RNF150: variants seen among roughly 807,000 people sequenced by gnomAD.
RNF150 encodes the protein ring finger protein 150.
In RNF150, 24 loss-of-function variants were observed where a neutral mutation model predicts 39.3. The ratio of observed to expected loss-of-function variants is 0.61; its 90% CI spans 0.44 to 0.86. The LOEUF (loss-of-function observed/expected upper bound fraction) is 0.86. Ranked by LOEUF, RNF150 falls within the 40% of genes least tolerant of loss-of-function variation. RNF150 has a pLI of 0.00. For synonymous variants in RNF150, 255 were observed against 227.3 expected (o/e 1.12, Z -1.10); for missense variants, 502 against 587.8 (o/e 0.85, Z 1.51).
chr4:141,117,823 C>T lies in RNF150; in HGVS notation c.484+14502G>A, dbSNP rs1157125118. On this transcript the variant is annotated intron_variant, in intron 1 of 6. Coordinates refer to ENST00000515673, the MANE Select transcript of RNF150 (RefSeq NM_020724.2). ...AATGGCAATTCTCGTCCTTCTATTA[C>T]TTATTCCATCCAACAAAGATTTGCT... Among the ~76,000 whole-genome samples the T allele has an allele frequency of 2.0e-5, 3 of 152,202 alleles. No individual in the cohort carries two copies. In the East Asian group the frequency reaches 5.8e-4, roughly 29 times the overall value.
chr4:141,189,424 C>G (rs919833324), intron 1 of RNF150, among the ~76,000 whole-genome samples: 3 of 152,182 alleles, frequency 2.0e-5, no homozygotes, highest in Non-Finnish European at 2.9e-5. Flanking sequence ...AGCTTGAGCA[C>G]TGTGCCAGGA....
At chr4:140,920,061 T>G (rs976368327) in intron 5 of RNF150, among the ~76,000 whole-genome samples, 10 of 151,702 alleles carry the variant, frequency 6.6e-5, no homozygotes, top group Admixed American at 5.9e-4. Context: ...GACTTAAACG[T>G]TAGACCTAAA....
chr4:141,114,240 TA>T (rs1739476899), intron 1 of RNF150, among the ~76,000 whole-genome samples: 1 of 151,872 alleles, frequency 6.6e-6, no homozygotes, highest in Non-Finnish European at 1.5e-5. Flanking sequence ...TTGAAAAGAT[TA>T]ACAAAGTAGA....
intron 1 of RNF150, among the ~76,000 whole-genome samples, chr4:141,023,716 G>A (rs895321381): frequency 6.6e-6 from 1 of 152,110 alleles, no homozygotes; most frequent in Admixed American, 6.6e-5. Flanking sequence ...CATTTCAAGT[G>A]CTCAACTGCT....
At chr4:141,012,781 C>CAGAAAAAAA (rs1735120555) in intron 1 of RNF150, among the ~76,000 whole-genome samples, 2 of 71,432 alleles carry the variant, frequency 2.8e-5, no homozygotes. Flanking sequence ...GACTCTGTCT[C>CAGAAAAAAA]AAAAAAAAAA....
intron 4 of RNF150, among the ~76,000 whole-genome samples, chr4:140,946,604 A>G (rs1207898170): frequency 6.6e-6 from 1 of 152,156 alleles, no homozygotes; most frequent in Non-Finnish European, 1.5e-5. Flanking sequence ...CTCCCAGCTC[A>G]TCCTCCTGAG....
At chr4:141,101,640 A>G (rs1337926594) in intron 1 of RNF150, among the ~76,000 whole-genome samples, 2 of 152,220 alleles carry the variant, frequency 1.3e-5, no homozygotes, top group African/African-American at 4.8e-5. Context: ...TGTATGTGCT[A>G]CACTTTTACA....
chr4:141,200,785 T>C (rs965131580), intron 1 of RNF150, among the ~76,000 whole-genome samples: 1 of 152,134 alleles, frequency 6.6e-6, no homozygotes, highest in Non-Finnish European at 1.5e-5. Context: ...AATCTACAAA[T>C]GGTGAGAAAG....
At chr4:140,930,292 GC>G (rs1216459321) in intron 4 of RNF150, among the ~76,000 whole-genome samples, 4 of 152,220 alleles carry the variant, frequency 2.6e-5, no homozygotes, top group African/African-American at 9.6e-5. Context: ...CTTCAGGCTT[GC>G]CAGATCTTAC....
intron 1 of RNF150, among the ~76,000 whole-genome samples, chr4:141,200,636 G>A (rs1728275968): frequency 6.6e-6 from 1 of 152,070 alleles, no homozygotes; most frequent in Non-Finnish European, 1.5e-5. Context: ...TGGGAATTAG[G>A]GCTTCATTTT....
intron 1 of RNF150, among the ~76,000 whole-genome samples, chr4:141,099,730 G>A (rs547815270): frequency 6.6e-6 from 1 of 152,164 alleles, no homozygotes; most frequent in East Asian, 1.9e-4. Context: ...GTTAGACCAG[G>A]GAGTGATTTG....
chr4:141,110,828 T>A (rs533352246), intron 1 of RNF150, among the ~76,000 whole-genome samples: 1 of 152,228 alleles, frequency 6.6e-6, no homozygotes, highest in African/African-American at 2.4e-5. Context: ...TCACAACTAG[T>A]AACCTAAAAA....
intron 1 of RNF150, among the ~76,000 whole-genome samples, chr4:141,181,669 A>G (rs904425125): frequency 1.3e-5 from 2 of 152,284 alleles, no homozygotes; most frequent in Non-Finnish European, 2.9e-5. Flanking sequence ...TTCATGCTAT[A>G]TCATCTACAA....
At chr4:140,928,704 G>T (rs1200702537) in intron 4 of RNF150, among the ~76,000 whole-genome samples, 1 of 152,016 alleles carries the variant, frequency 6.6e-6, no homozygotes, top group African/African-American at 2.4e-5. Context: ...CTGCCACCAC[G>T]CCCAGCTATT....
chr4:141,139,088 G>A (rs1290540658), intron 1 of RNF150, among the ~76,000 whole-genome samples: 1 of 152,080 alleles, frequency 6.6e-6, no homozygotes, highest in African/African-American at 2.4e-5. Context: ...TGGCACAAGT[G>A]CCTGTAGTCC....
chr4:141,165,025 T>G (rs1419786788), intron 1 of RNF150, among the ~76,000 whole-genome samples: 2 of 151,922 alleles, frequency 1.3e-5, no homozygotes, highest in East Asian at 3.9e-4. Flanking sequence ...GAGTCAAAAC[T>G]CACCAGCGTG....
intron 1 of RNF150, among the ~76,000 whole-genome samples, chr4:141,156,092 G>A (rs1394036099): frequency 6.6e-6 from 1 of 150,728 alleles, no homozygotes; most frequent in Non-Finnish European, 1.5e-5. Flanking sequence ...CATCATGGCT[G>A]GAAGGAGGAG....
chr4:140,921,140 C>T (rs1228429634), intron 5 of RNF150, among the ~76,000 whole-genome samples: 1 of 146,034 alleles, frequency 6.8e-6, no homozygotes, highest in Non-Finnish European at 1.5e-5. Context: ...TGTAACTAAC[C>T]CGCACATTGT....
chr4:140,974,493 G>A (rs1367398995), intron 1 of RNF150, among the ~76,000 whole-genome samples: 2 of 152,180 alleles, frequency 1.3e-5, no homozygotes, highest in African/African-American at 4.8e-5. Flanking sequence ...GAATATAAAT[G>A]TTCATATCTC....
Sources: allele counts gnomAD v4.1 joint callset (sites outside exome capture counted in the v4.1 genomes callset), GRCh38; gene constraint gnomAD v4.1.1; transcripts MANE v1.5; gene names NCBI Gene and HGNC (gene_info 2026-07-23, HGNC 2026-07-21).